The following ATP8A2 variants were observed in gnomAD, a reference collection of about 807,000 sequenced individuals.
The protein encoded by ATP8A2 is ATPase phospholipid transporting 8A2.
Under a neutral mutation model 165.6 loss-of-function variants are expected in ATP8A2, and 100 were observed. The ratio of observed to expected loss-of-function variants is 0.60; its 90% CI spans 0.51 to 0.71. ATP8A2 has a LOEUF of 0.71. Among genes scored for constraint, ATP8A2 ranks in the 30% least tolerant of loss-of-function variants. The pLI is 0.00. For missense variants in ATP8A2, 1,227 were observed against 1,479.5 expected, an observed-to-expected ratio of 0.83 and a Z score of 2.80; for synonymous variants, 543 against 548.8, an observed-to-expected ratio of 0.99 and a Z score of 0.15.
intron 33 of ATP8A2, among the ~76,000 whole-genome samples, chr13:25,890,461 G>C (rs1400776216): frequency 1.3e-5 from 2 of 152,146 alleles, no homozygotes; most frequent in African/African-American, 4.8e-5. Context: ...GAAATATATT[G>C]TACTAGAAGA....
At chr13:25,404,519 G>C (rs1249703345) in intron 1 of ATP8A2, among the ~76,000 whole-genome samples, 1 of 152,044 alleles carries the variant, frequency 6.6e-6, no homozygotes, top group Non-Finnish European at 1.5e-5. Flanking sequence ...AGCATTCAAG[G>C]AGAGGAATAA....
chr13:25,613,678 T>C (rs1593651242), intron 24 of ATP8A2, among the ~76,000 whole-genome samples: 1 of 152,220 alleles, frequency 6.6e-6, no homozygotes, highest in Admixed American at 6.5e-5. Context: ...AAAAAGACTA[T>C]CTTTCCTTCA....
At chr13:25,963,212 T>A (rs1955697380) in intron 34 of ATP8A2, among the ~76,000 whole-genome samples, 1 of 151,784 alleles carries the variant, frequency 6.6e-6, no homozygotes, top group Non-Finnish European at 1.5e-5. Flanking sequence ...TGGCCAACAT[T>A]GAGAAACTCC....
rs149877874 is a variant in ATP8A2 at position 25,728,890 on chromosome 13, G to A, written c.2384+29545G>A. ...TGCTGTGCTTTTAGTTCTCATATGCGTGCTCCTTGGAAAGTGACTGTTAGT... is the reference window on the plus strand; with the variant it reads ...TGCTGTGCTTTTAGTTCTCATATGCATGCTCCTTGGAAAGTGACTGTTAGT... On this transcript the variant is annotated intron_variant, in intron 25 of 36. Transcript: ENST00000381655. Among the ~76,000 whole-genome samples, 255 of 152,232 alleles carry A rather than the reference G, an allele frequency of 1.7e-3. 1 individual carries two copies. Among genetic ancestry groups the A allele is most frequent in the African/African-American group, 5.8e-3 (242 of 41,548 alleles).
At chr13:25,546,528 TTG>T (rs1491008376) in intron 10 of ATP8A2, among the ~76,000 whole-genome samples, 1 of 151,966 alleles carries the variant, frequency 6.6e-6, no homozygotes, top group African/African-American at 2.4e-5. Flanking sequence ...TTTTTTTTTT[TTG>T]AAGTCTCTCA....
intron 25 of ATP8A2, among the ~76,000 whole-genome samples, chr13:25,754,035 G>T (rs1045469501): frequency 6.6e-6 from 1 of 152,194 alleles, no homozygotes; most frequent in Non-Finnish European, 1.5e-5. Flanking sequence ...TGCAGATACC[G>T]TTTGTTCAGT....
intron 27 of ATP8A2, 72 bp from the exon 28 acceptor site, chr13:25,828,046 C>T (rs750076436): frequency 1.6e-5 from 20 of 1,233,072 alleles, no homozygotes; most frequent in Non-Finnish European, 2.4e-5. Context: ...CACATTCCCG[C>T]TACTTCTTCA....
At chr13:25,902,070 T>A (rs1422092929) in intron 33 of ATP8A2, among the ~76,000 whole-genome samples, 14 of 152,100 alleles carry the variant, frequency 9.2e-5, no homozygotes, top group Admixed American at 7.2e-4. Flanking sequence ...AACAAAAAAA[T>A]TTTTTGGCAA....
intron 33 of ATP8A2, among the ~76,000 whole-genome samples, chr13:25,945,738 G>A (rs1333230627): frequency 1.3e-5 from 2 of 152,130 alleles, no homozygotes; most frequent in South Asian, 2.1e-4. Flanking sequence ...CTCATCAAGG[G>A]GTCCCCGGAT....
chr13:25,399,880 T>TTCCTCC (rs1047166338), intron 1 of ATP8A2, among the ~76,000 whole-genome samples: 1 of 102,042 alleles, frequency 9.8e-6, no homozygotes, highest in East Asian at 3.1e-4. Context: ...CTTCTTCCTC[T>TTCCTCC]TCCTCCTCCT....
chr13:25,446,902 C>T (rs1264229517), intron 1 of ATP8A2, among the ~76,000 whole-genome samples: 1 of 152,116 alleles, frequency 6.6e-6, no homozygotes, highest in African/African-American at 2.4e-5. Context: ...GTCATCCAGG[C>T]TGGAGTGCAA....
intron 27 of ATP8A2, among the ~76,000 whole-genome samples, chr13:25,801,737 C>T (rs1396100762): frequency 1.3e-5 from 2 of 152,136 alleles, no homozygotes; most frequent in East Asian, 3.9e-4. Flanking sequence ...CATTCTCACA[C>T]TGCTAATAAA....
Position 26,023,851 on chromosome 13 carries a change from G to A in ATP8A2, c.*3866G>A, listed in dbSNP as rs566056146. 6.6e-6 allele frequency: 1 copy of A among 152,298 alleles called. No individual in the cohort carries two copies. Among genetic ancestry groups the A allele is most frequent in the Non-Finnish European group, 1.5e-5 (1 of 68,022 alleles). 9.4% of individuals were successfully genotyped at this position (152,298 alleles called of 1,614,324 possible). A position where few individuals can be genotyped will look rare whatever the true frequency, so the allele number is the denominator to read the frequency against. ...GTGATTTAACATCAGCATTTGAAAT[G>A]TAGTCTTCATCTCCTGGGATCCATA... On this transcript the variant is annotated 3_prime_UTR_variant, in exon 37 of 37. Coordinates refer to ENST00000381655, the MANE Select transcript of ATP8A2 (RefSeq NM_016529.6).
At position 26,006,462 on chromosome 13, in the gene ATP8A2, T is replaced by C. The variant is rs1956740133; in HGVS notation, c.3378-6069T>C. Among the ~76,000 whole-genome samples, 2 of 152,072 alleles carry C rather than the reference T, an allele frequency of 1.3e-5. 1 individual carries two copies. Among genetic ancestry groups the C allele is most frequent in the South Asian group, 4.1e-4 (2 of 4,832 alleles). The stretch of plus-strand genomic sequence containing the variant: ...AGATCATGTCATGTACAAATAGAGA[T>C]AGTTTTACTTCTTTCTTTCATATTT... On this transcript the variant is annotated intron_variant, in intron 35 of 36. Transcript: ENST00000381655.
At chr13:25,978,867 G>C (rs1184564849) in intron 35 of ATP8A2, among the ~76,000 whole-genome samples, 1 of 152,144 alleles carries the variant, frequency 6.6e-6, no homozygotes, top group East Asian at 1.9e-4. Flanking sequence ...GTGAACCCGG[G>C]AGGCGGAGCT....
rs557003711 is a variant in ATP8A2 at position 25,818,250 on chromosome 13, T to A, written c.2680-9868T>A. Among the ~76,000 whole-genome samples the A allele has an allele frequency of 5.9e-5, 9 of 152,274 alleles. 1 individual carries two copies. The highest frequency in any genetic ancestry group is 4.6e-4 in the Admixed American group (7 of 15,298). On this transcript the variant is annotated intron_variant, in intron 27 of 36. Coordinates refer to ENST00000381655, the MANE Select transcript of ATP8A2 (RefSeq NM_016529.6). ...AGCTTATACCCTAATCTTAAAAGGATCCCTTGGCACTCAAGGAAAAAGATC... is the reference window on the plus strand; with the variant it reads ...AGCTTATACCCTAATCTTAAAAGGAACCCTTGGCACTCAAGGAAAAAGATC...
chr13:25,783,597 C>T (rs1287485403), intron 27 of ATP8A2, among the ~76,000 whole-genome samples: 1 of 152,148 alleles, frequency 6.6e-6, no homozygotes, highest in Non-Finnish European at 1.5e-5. Context: ...TGGTGCTTTA[C>T]AGGCGTGGTA....
rs1593730380 is a variant in ATP8A2, at chr13:26,021,781, A to T, written c.*1796A>T. On this transcript the variant is annotated 3_prime_UTR_variant, in exon 37 of 37. Transcript: ENST00000381655. The stretch of plus-strand genomic sequence containing the variant: ...ACATGACTGTGCAGCGAAGGAGCAC[A>T]CCTGTCACTCTTAGCTCTAGAGTCG... The T allele has an allele frequency of 1.3e-5, 2 of 152,176 alleles. No homozygotes were observed. The highest frequency in any genetic ancestry group is 1.3e-4 in the Admixed American group (2 of 15,280). The allele number at this position is 152,176 out of a possible 1,614,324, so 9.4% of individuals were successfully genotyped here.
At chr13:25,718,946 A>T (rs939028294) in intron 25 of ATP8A2, among the ~76,000 whole-genome samples, 2 of 152,180 alleles carry the variant, frequency 1.3e-5, no homozygotes, top group Non-Finnish European at 2.9e-5. Context: ...GTGTAAGAAC[A>T]TACGCGTGCA....
Sources: gnomAD v4.1 joint callset for allele counts (sites outside exome capture counted in the v4.1 genomes callset) on GRCh38, gnomAD v4.1.1 for gene constraint, MANE v1.5 for transcripts, NCBI Gene and HGNC (gene_info 2026-07-23, HGNC 2026-07-21) for gene names.